Variants in ZSCAN4 observed in about 807,000 individuals in gnomAD.
The protein encoded by ZSCAN4 is zinc finger and SCAN domain containing 4, also known as zinc finger and SCAN domain-containing protein 4.
In ZSCAN4, 18 loss-of-function variants were observed where a neutral mutation model predicts 18.3. That is an observed-to-expected ratio of 0.98 (90% CI 0.68 to 1.46). ZSCAN4 has a LOEUF of 1.46. ZSCAN4 is among the 40% of genes most tolerant of loss of function. ZSCAN4 has a pLI of 0.00. For synonymous variants in ZSCAN4, 193 were observed against 180.3 expected (o/e 1.07, Z -0.57); for missense variants, 498 against 511.4 (o/e 0.97, Z 0.25).
At chr19:57,655,049 C>T in the ZSCAN4 span, among the ~76,000 whole-genome samples, 19 of 152,306 alleles carry the variant, frequency 1.2e-4, no homozygotes, top group African/African-American at 4.6e-4. Context: ...AGGTCTCACT[C>T]ACAAAGGCTC....
At chr19:57,678,446 C>T (rs1419311441) in exon 5 of ZSCAN4, 8 of 1,614,012 alleles carry the variant, frequency 5.0e-6, no homozygotes, top group Non-Finnish European at 6.8e-6. Context: ...CAGAGCAGTC[C>T]TCCCCTGAGT....
the ZSCAN4 span, among the ~76,000 whole-genome samples, chr19:57,654,854 G>A: frequency 2.6e-5 from 4 of 152,228 alleles, no homozygotes; most frequent in Admixed American, 1.3e-4. Flanking sequence ...ATTCCCACAG[G>A]GGGGCTGGAA....
the ZSCAN4 span, among the ~76,000 whole-genome samples, chr19:57,659,892 T>C: frequency 6.6e-6 from 1 of 152,254 alleles, no homozygotes; most frequent in Non-Finnish European, 1.5e-5. Context: ...CTGTCATTCC[T>C]ATTAGATATC....
intron 2 of ZSCAN4, among the ~76,000 whole-genome samples, chr19:57,670,882 G>A (rs199765131): frequency 2.0e-5 from 2 of 100,978 alleles, no homozygotes; most frequent in African/African-American, 6.8e-5. Flanking sequence ...TTTTTTTTTC[G>A]AGACAAGATC....
chr19:57,661,692 G>T, the ZSCAN4 span, among the ~76,000 whole-genome samples: 1 of 152,180 alleles, frequency 6.6e-6, no homozygotes, highest in Non-Finnish European at 1.5e-5. Context: ...TGCTATTGAG[G>T]TAAAAGTGAG....
chr19:57,657,741 A>G, the ZSCAN4 span, among the ~76,000 whole-genome samples: 109 of 152,302 alleles, frequency 7.2e-4, no homozygotes, highest in African/African-American at 2.6e-3. Flanking sequence ...AGTCTCTTAT[A>G]TAATATGATG....
chr19:57,655,258 G>A, the ZSCAN4 span, among the ~76,000 whole-genome samples: 1 of 152,060 alleles, frequency 6.6e-6, no homozygotes, highest in African/African-American at 2.4e-5. Flanking sequence ...ACCACATCAC[G>A]TGGGCCCATC....
exon 3 of ZSCAN4, chr19:57,676,119 A>C: frequency 1.3e-6 from 2 of 1,572,914 alleles, no homozygotes; most frequent in South Asian, 2.4e-5. Context: ...CATCAAAGTA[A>C]AGTCTCTCTG....
At chr19:57,671,069 C>T (rs1289781501) in intron 2 of ZSCAN4, among the ~76,000 whole-genome samples, 1 of 151,986 alleles carries the variant, frequency 6.6e-6, no homozygotes, top group African/African-American at 2.4e-5. Context: ...GCCATGTTGC[C>T]CAGTGTGGTC....
chr19:57,673,951 G>A (rs111492782), intron 2 of ZSCAN4, among the ~76,000 whole-genome samples: 6,634 of 152,028 alleles, frequency 0.044, 452 homozygotes, highest in African/African-American at 0.15. Context: ...ACGGGGTTTC[G>A]CCATGTTGGC....
chr19:57,673,303 A>G (rs972935615), intron 2 of ZSCAN4, among the ~76,000 whole-genome samples: 2 of 152,138 alleles, frequency 1.3e-5, no homozygotes, highest in Non-Finnish European at 2.9e-5. Flanking sequence ...CTGGGATTAC[A>G]GGCGCGAGTC....
At chr19:57,676,626 A>G in intron 3 of ZSCAN4, 85 bp downstream of exon 3, 1 of 1,468,964 alleles carries the variant, frequency 6.8e-7, no homozygotes, top group South Asian at 1.4e-5. Flanking sequence ...TCTGGAAGTT[A>G]GAGAAGCTAT....
the ZSCAN4 span, among the ~76,000 whole-genome samples, chr19:57,654,387 G>A: frequency 2.0e-5 from 3 of 151,882 alleles, no homozygotes; most frequent in African/African-American, 7.3e-5. Context: ...CAACCCCAAG[G>A]TTTGCGATGT....
At chr19:57,668,266 C>T (rs1292564293), upstream of ZSCAN4, among the ~76,000 whole-genome samples, 2 of 151,788 alleles carry the variant, frequency 1.3e-5, no homozygotes, top group Admixed American at 6.6e-5. Context: ...TTTCCTGTCA[C>T]AGTTGGTTTA....
chr19:57,678,262 T>C (rs1353106334), exon 5 of ZSCAN4: 1 of 1,614,114 alleles, frequency 6.2e-7, no homozygotes, highest in Non-Finnish European at 8.5e-7. Flanking sequence ...GTTTCCCTAA[T>C]CATCATCCAG....
At chr19:57,679,044 GGA>G (rs1984283656) in exon 5 of ZSCAN4, 1 of 1,038,170 alleles carries the variant, frequency 9.6e-7, no homozygotes, top group South Asian at 2.7e-5. Context: ...GTAAGGCTAA[GGA>G]GAGCATGGAA....
chr19:57,678,140 A>G (rs1359180411), intron 4 of ZSCAN4, 26 bp from the exon 5 acceptor site: 3 of 1,604,562 alleles, frequency 1.9e-6, no homozygotes, highest in Non-Finnish European at 2.6e-6. Flanking sequence ...CTTAAGTACA[A>G]CTTCATTGAG....
At chr19:57,677,376 A>G (rs1019209010) in intron 3 of ZSCAN4, among the ~76,000 whole-genome samples, 23 of 152,036 alleles carry the variant, frequency 1.5e-4, no homozygotes, top group African/African-American at 5.6e-4. Context: ...TTTGGTTCCT[A>G]CAGTGTAAAT....
At chr19:57,662,292 A>G in the ZSCAN4 span, among the ~76,000 whole-genome samples, 1 of 151,616 alleles carries the variant, frequency 6.6e-6, no homozygotes, top group Non-Finnish European at 1.5e-5. Context: ...TTATGTTTTT[A>G]TTTTTTTCTC....
Sources: allele counts gnomAD v4.1 joint callset (sites outside exome capture counted in the v4.1 genomes callset), GRCh38; gene constraint gnomAD v4.1.1; transcripts MANE v1.5; gene names NCBI Gene and HGNC (gene_info 2026-07-23, HGNC 2026-07-21).